Variants in GPAT4 observed in about 807,000 individuals in gnomAD.
GPAT4 encodes 1-AGP acyltransferase 6.
In GPAT4, 17 loss-of-function variants were observed where a neutral mutation model predicts 58.0. That is an observed-to-expected ratio of 0.29 (90% CI 0.20 to 0.44). The LOEUF (loss-of-function observed/expected upper bound fraction) is 0.44, where lower values mean the gene tolerates loss of function less well. Among genes scored for constraint, GPAT4 ranks in the 20% least tolerant of loss-of-function variants. The pLI is 1.00. For synonymous variants in GPAT4, 204 were observed against 210.1 expected (o/e 0.97, Z 0.25); for missense variants, 377 against 574.5 (o/e 0.66, Z 3.51).
At chr8:41,579,794 C>G (rs12547638) in intron 1 of GPAT4, among the ~76,000 whole-genome samples, 35,324 of 151,570 alleles carry the variant, frequency 0.23, 4,128 homozygotes, top group East Asian at 0.29. Context: ...GCCAAGATTG[C>G]GCCGCTGCAC....
intron 1 of GPAT4, among the ~76,000 whole-genome samples, chr8:41,578,834 C>A (rs1563264981): frequency 6.6e-6 from 1 of 152,182 alleles, no homozygotes; most frequent in Non-Finnish European, 1.5e-5. Flanking sequence ...CCCAGTGGGG[C>A]TTGTTTATTT....
intron 10 of GPAT4, among the ~76,000 whole-genome samples, chr8:41,615,836 T>G (rs1803581260): frequency 6.6e-6 from 1 of 152,246 alleles, no homozygotes; most frequent in Non-Finnish European, 1.5e-5. Flanking sequence ...CTGGGTTGTC[T>G]GCAGAGCATT....
rs373379536 is a variant in GPAT4 at position 41,590,736 on chromosome 8, C to T, written c.-848-7556C>T. On this transcript the variant is annotated intron_variant, in intron 1 of 12. Coordinates refer to ENST00000396987, the MANE Select transcript of GPAT4 (RefSeq NM_178819.4). ...CAGAACTAGGAACTAGGGTTCATGA[C>T]CCAGCACCACTGAATAGCATGTCCT... Among the ~76,000 whole-genome samples, 4 of 152,142 alleles carry T rather than the reference C, an allele frequency of 2.6e-5. No homozygotes were observed. In the East Asian group the frequency reaches 7.7e-4, roughly 29 times the overall value.
intron 10 of GPAT4, 189 bp from the exon 11 acceptor site, chr8:41,618,492 CGGG>C (rs1213772620): frequency 2.8e-5 from 19 of 687,200 alleles, no homozygotes; most frequent in Non-Finnish European, 4.5e-5. Flanking sequence ...CCGGGTTCCT[CGGG>C]GGAGATCAGT....
intron 10 of GPAT4, among the ~76,000 whole-genome samples, chr8:41,615,642 T>C (rs780911509): frequency 5.9e-5 from 9 of 152,172 alleles, no homozygotes; most frequent in Non-Finnish European, 1.3e-4. Context: ...GATTAGCTAG[T>C]CATCTGCACA....
intron 5 of GPAT4, 72 bp from the exon 6 acceptor site, chr8:41,611,831 G>A (rs1803453579): frequency 6.9e-7 from 1 of 1,443,770 alleles, no homozygotes; most frequent in Non-Finnish European, 9.7e-7. Context: ...CTGCTGAGCT[G>A]TTGAAGTCAG....
rs1386013801 is a variant in GPAT4 at position 41,624,704 on chromosome 8, C to T, written c.*3703C>T. The T allele has an allele frequency of 6.6e-6, 1 of 152,158 alleles. No homozygotes were observed. The highest frequency in any genetic ancestry group is 1.5e-5 in the Non-Finnish European group (1 of 68,056). 9.4% of individuals were successfully genotyped at this position (152,158 alleles called of 1,614,324 possible). A position where few individuals can be genotyped will look rare whatever the true frequency, so the allele number is the denominator to read the frequency against. On this transcript the variant is annotated 3_prime_UTR_variant, in exon 13 of 13. Transcript: ENST00000396987. ...CTCCCCCAGTCAATATGTCTCTCTC[C>T]GATGGGAAAGTTAATAAATTTTGCT...
intron 1 of GPAT4, among the ~76,000 whole-genome samples, chr8:41,595,341 T>C (rs1802901029): frequency 6.8e-6 from 1 of 146,918 alleles, no homozygotes; most frequent in African/African-American, 2.5e-5. Flanking sequence ...TTTTTTTTTT[T>C]TTTTTTTTTT....
chr8:41,620,817 A>G, intron 12 of GPAT4, 76 bp from the exon 13 acceptor site: 1 of 1,534,364 alleles, frequency 6.5e-7, no homozygotes, highest in South Asian at 1.2e-5. Flanking sequence ...TTTGGGCAGC[A>G]TGGTGCATCT....
chr8:41,599,796 T>C (rs940855761), intron 2 of GPAT4, among the ~76,000 whole-genome samples: 2 of 152,226 alleles, frequency 1.3e-5, no homozygotes, highest in African/African-American at 4.8e-5. Flanking sequence ...ATGTCAGAAC[T>C]TACCTGACTG....
chr8:41,606,408 A>G (rs1803273041), intron 2 of GPAT4, among the ~76,000 whole-genome samples: 1 of 152,140 alleles, frequency 6.6e-6, no homozygotes, highest in South Asian at 2.1e-4. Context: ...TTCCTCACAC[A>G]TCTGGTATCA....
At chr8:41,587,220 G>C (rs2150482364) in intron 1 of GPAT4, among the ~76,000 whole-genome samples, 1 of 152,378 alleles carries the variant, frequency 6.6e-6, no homozygotes, top group Non-Finnish European at 1.5e-5. Flanking sequence ...GACACTGGCT[G>C]TGGCCATGTT....
At position 41,618,879 on chromosome 8, in the gene GPAT4, C is replaced by G. The variant is rs1178385764; in HGVS notation, c.1183-19C>G. The G allele has an allele frequency of 1.2e-6, 2 of 1,614,186 alleles. No homozygotes were observed. The highest frequency in any genetic ancestry group is 2.2e-5 in the East Asian group (1 of 44,880). ...ACGTCAAGCCGGGGCTGAGTGGTCT[C>G]ATTTGTTCTTTCTTACAGGCAGATG... is the stretch of plus-strand genomic sequence containing the variant. On this transcript the variant is annotated intron_variant, in intron 11 of 12. Transcript: ENST00000396987.
At chr8:41,588,521 T>A (rs796470056) in intron 1 of GPAT4, among the ~76,000 whole-genome samples, 19 of 152,342 alleles carry the variant, frequency 1.2e-4, no homozygotes, top group African/African-American at 4.1e-4. Context: ...TTCTCTTCTT[T>A]TCTTTTCCTT....
rs1396317737 is a variant in GPAT4, at chr8:41,600,211, C to T, written c.165+907C>T. Among the ~76,000 whole-genome samples the T allele has an allele frequency of 7.3e-5, 11 of 151,368 alleles. No homozygotes were observed. The East Asian group carries it at 2.1e-3, about 29-fold the overall frequency. ...ATGCCACCACACCCGGCTATTTTTT[C>T]GTATTTTTAGTAGAGATAGGGTTTC... is the stretch of plus-strand genomic sequence containing the variant. On this transcript the variant is annotated intron_variant, in intron 2 of 12. Coordinates refer to ENST00000396987, the MANE Select transcript of GPAT4 (RefSeq NM_178819.4).
intron 2 of GPAT4, among the ~76,000 whole-genome samples, chr8:41,605,496 G>A (rs1803233474): frequency 1.3e-5 from 2 of 152,214 alleles, no homozygotes; most frequent in South Asian, 4.1e-4. Flanking sequence ...AGGGAATGAG[G>A]TGGGTTACAA....
intron 1 of GPAT4, among the ~76,000 whole-genome samples, chr8:41,580,969 C>G (rs1177528242): frequency 6.6e-6 from 1 of 152,142 alleles, no homozygotes; most frequent in Non-Finnish European, 1.5e-5. Context: ...TTATTAAAAA[C>G]AAAACAAAAC....
At chr8:41,596,266 C>A (rs1437480307) in intron 1 of GPAT4, among the ~76,000 whole-genome samples, 4 of 152,110 alleles carry the variant, frequency 2.6e-5, no homozygotes, top group Non-Finnish European at 5.9e-5. Context: ...CACACACACA[C>A]CACAAAACAA....
chr8:41,578,602 C>T (rs1302573124), intron 1 of GPAT4: 1 of 152,240 alleles, frequency 6.6e-6, no homozygotes, highest in African/African-American at 2.4e-5. Flanking sequence ...CCTCCCGCCC[C>T]GGGAGTCCGG....
Sources: allele counts gnomAD v4.1 joint callset (sites outside exome capture counted in the v4.1 genomes callset), GRCh38; gene constraint gnomAD v4.1.1; transcripts MANE v1.5; gene names NCBI Gene and HGNC (gene_info 2026-07-23, HGNC 2026-07-21).